FAM114A1: variants seen among roughly 807,000 people sequenced by gnomAD.
FAM114A1 encodes the protein protein NOXP20.
A neutral mutation model predicts 64.3 loss-of-function variants in FAM114A1; 62 were observed. The ratio of observed to expected loss-of-function variants is 0.96; its 90% confidence interval spans 0.79 to 1.19. The LOEUF (loss-of-function observed/expected upper bound fraction) is 1.19, where lower values mean the gene tolerates loss of function less well. Among genes scored for constraint, FAM114A1 ranks in the 50% most tolerant of loss-of-function variants. FAM114A1 has a pLI of 0.00. For synonymous variants in FAM114A1, 254 were observed against 251.1 expected (o/e 1.01, Z -0.11); for missense variants, 645 against 676.3 (o/e 0.95, Z 0.51).
intron 14 of FAM114A1, among the ~76,000 whole-genome samples, chr4:38,942,654 A>G (rs893851041): frequency 3.3e-5 from 5 of 152,228 alleles, no homozygotes; most frequent in African/African-American, 1.2e-4. Context: ...TAATAATTTC[A>G]GCTATCCCAA....
intron 9 of FAM114A1, 60 bp from the exon 10 acceptor site, chr4:38,929,182 C>A: frequency 7.5e-7 from 1 of 1,336,376 alleles, no homozygotes; most frequent in African/African-American, 1.4e-5. Context: ...GTTGGGGGAG[C>A]TGCCACATCC....
rs557253070 is a variant in FAM114A1, at chr4:38,895,120, G to A, written c.436+3290G>A. ...AACTTTAAAGTCTCTGGAGGATAGG[G>A]TGGTGCAGCTAGAAGGGGGCCCAGA... On this transcript the variant is annotated intron_variant, in intron 4 of 14. Coordinates refer to ENST00000358869, the MANE Select transcript of FAM114A1 (RefSeq NM_138389.4). Among the ~76,000 whole-genome samples, 5 of 152,314 alleles carry A rather than the reference G, an allele frequency of 3.3e-5. No individual in the cohort carries two copies. The East Asian group carries it at 9.6e-4, about 29-fold the overall frequency.
intron 4 of FAM114A1, among the ~76,000 whole-genome samples, chr4:38,896,557 A>G (rs573061367): frequency 4.3e-4 from 66 of 152,320 alleles, no homozygotes; most frequent in Admixed American, 3.3e-4. Context: ...TTGCCCACAC[A>G]TGGAGCCAGG....
At chr4:38,933,878 G>A (rs978766843) in intron 12 of FAM114A1, among the ~76,000 whole-genome samples, 1 of 152,116 alleles carries the variant, frequency 6.6e-6, no homozygotes, top group Non-Finnish European at 1.5e-5. Context: ...TGACATTGTC[G>A]GTTGGGGAGT....
chr4:38,901,988 C>G lies in FAM114A1; in HGVS notation c.437-3534C>G, dbSNP rs78626108. Among the ~76,000 whole-genome samples the G allele has an allele frequency of 9.3e-4, 142 of 152,228 alleles. 2 individuals carry two copies. Among genetic ancestry groups the G allele is most frequent in the African/African-American group, 3.4e-3 (141 of 41,528 alleles). ...ACAATGTTTTAAAAAGTAGGAAGCT[C>G]CAAACCAAGGATCTGATTTCCAAGG... On this transcript the variant is annotated intron_variant, in intron 4 of 14. Transcript: ENST00000358869.
At chr4:38,890,822 G>A (rs1298133011) in intron 3 of FAM114A1, among the ~76,000 whole-genome samples, 1 of 152,140 alleles carries the variant, frequency 6.6e-6, no homozygotes, top group Non-Finnish European at 1.5e-5. Flanking sequence ...GAGTATATCA[G>A]TGAATAAAAC....
chr4:38,880,106 AGTAGAATAGAATAGAATAGAATAG>A (rs1560288066), intron 3 of FAM114A1, among the ~76,000 whole-genome samples: 5 of 132,334 alleles, frequency 3.8e-5, no homozygotes, highest in Admixed American at 7.8e-5. Context: ...AATAAAATAG[AGTAGAATAGAATAGAATAGAATAG>A]AATAGAATAG....
chr4:38,884,630 G>A (rs1639611415), intron 3 of FAM114A1, among the ~76,000 whole-genome samples: 2 of 152,178 alleles, frequency 1.3e-5, no homozygotes, highest in South Asian at 4.1e-4. Flanking sequence ...AGATCACATT[G>A]TACCACACTG....
At chr4:38,918,799 A>C (rs1719313360) in intron 8 of FAM114A1, among the ~76,000 whole-genome samples, 1 of 152,144 alleles carries the variant, frequency 6.6e-6, no homozygotes, top group Non-Finnish European at 1.5e-5. Context: ...TCTCAAATAA[A>C]AATACAAAAA....
chr4:38,905,595 T>C lies in FAM114A1; in HGVS notation c.510T>C (p.Ser170=), dbSNP rs1178033544. ...TTCATGGTGTAAATTCTGGATCTTC[T>C]GAAGGAGCCCAACCAAATACTGAAA... The part of the protein sequence containing the change: ...LRIHGVNSGS[S]EGAQPNTENG... The change falls in exon 5 of 15, where the codon TCT becomes TCC. Residue 170 remains serine, a synonymous_variant. Transcript: ENST00000358869. The C allele has an allele frequency of 1.2e-6, 2 of 1,614,196 alleles. No homozygotes were observed. The highest frequency in any genetic ancestry group is 1.1e-5 in the South Asian group (1 of 91,086).
rs1448173466 is a variant in FAM114A1 at position 38,915,086 on chromosome 4, T to C, written c.945+13T>C. On this transcript the variant is annotated intron_variant, in intron 8 of 14. Coordinates refer to ENST00000358869, the MANE Select transcript of FAM114A1 (RefSeq NM_138389.4). The stretch of plus-strand genomic sequence containing the variant: ...AAGCGAAAGCAAGGTACTTCTGCAC[T>C]ACTCGTTTGAAATGGCATGCTTAGT... 1 of 1,611,830 alleles carries C rather than the reference T, an allele frequency of 6.2e-7. No homozygotes were observed. Among genetic ancestry groups the C allele is most frequent in the Non-Finnish European group, 8.5e-7 (1 of 1,178,422 alleles).
chr4:38,877,964 CAAAA>C, intron 2 of FAM114A1, 103 bp from the exon 3 acceptor site: 13 of 814,148 alleles, frequency 1.6e-5, no homozygotes, highest in Non-Finnish European at 2.0e-5. Context: ...AACTCCGTCT[CAAAA>C]AAAAAAAAAA....
chr4:38,931,456 G>C lies in FAM114A1; in HGVS notation c.1167G>C (p.Met389Ile). 6.2e-7 allele frequency: 1 copy of C among 1,610,096 alleles called. No individual in the cohort carries two copies. Among genetic ancestry groups the C allele is most frequent in the Non-Finnish European group, 8.5e-7 (1 of 1,178,994 alleles). The change falls in exon 11 of 15, where the codon ATG (methionine) becomes ATC (isoleucine). Residue 389 changes from methionine to isoleucine, a missense_variant. Met to Ile is a conservative substitution (Grantham distance 10). Coordinates refer to ENST00000358869, the MANE Select transcript of FAM114A1 (RefSeq NM_138389.4). Reference protein sequence around the residue: ...AATPDKLNKAMKRAHDWVEED... With the variant: ...AATPDKLNKAIKRAHDWVEED... The stretch of plus-strand genomic sequence containing the variant: ...TTGGTTGGGGACCTCTGCAGGCCAT[G>C]AAGAGGGCTCATGACTGGGTGGAAG...
chr4:38,886,627 T>C (rs777275723), intron 3 of FAM114A1, among the ~76,000 whole-genome samples: 15 of 151,942 alleles, frequency 9.9e-5, no homozygotes, highest in South Asian at 2.1e-4. Flanking sequence ...ATAGAAAGCA[T>C]GTATAGAAAT....
At position 38,935,771 on chromosome 4, in the gene FAM114A1, A is replaced by G. The variant is rs751853736; in HGVS notation, c.1517A>G (p.Asn506Ser). 8 of 1,611,284 alleles carry G rather than the reference A, an allele frequency of 5.0e-6. No individual in the cohort carries two copies. In the Admixed American group the frequency reaches 5.0e-5, roughly 10 times the overall value. Residue 506 changes from asparagine to serine, a missense_variant, in exon 13 of 15, where the codon AAT (asparagine) becomes AGT (serine). Physicochemically the swap from Asn to Ser is conservative, Grantham distance 46. Coordinates refer to ENST00000358869, the MANE Select transcript of FAM114A1 (RefSeq NM_138389.4). The part of the protein sequence containing the change: ...EVASLSKKFT[N>S]SLTTVGSNKK... ...GCCTCTTTATCAAAGAAGTTTACGA[A>G]TTCTTTAACCACTGTTGGGGTAAGA...
In FAM114A1 at chr4:38,915,004, G is replaced by C. The variant is rs1340054962; in HGVS notation, c.876G>C (p.Leu292=). 4 of 1,614,060 alleles carry C rather than the reference G, an allele frequency of 2.5e-6. No homozygotes were observed. Among genetic ancestry groups the C allele is most frequent in the African/African-American group, 2.7e-5 (2 of 74,918 alleles). Residue 292 remains leucine (L), a synonymous_variant, in exon 8 of 15, where the codon CTG becomes CTC. Coordinates refer to ENST00000358869, the MANE Select transcript of FAM114A1 (RefSeq NM_138389.4). The stretch of plus-strand genomic sequence containing the variant: ...AGAGAACCGCGCACTACGGGATGCT[G>C]TTTGATGAATATCAAGGCTTGTCAC... ...TMERTAHYGM[L]FDEYQGLSHL...
At chr4:38,906,648 C>T (rs1379615564) in intron 6 of FAM114A1, among the ~76,000 whole-genome samples, 1 of 152,182 alleles carries the variant, frequency 6.6e-6, no homozygotes, top group Non-Finnish European at 1.5e-5. Flanking sequence ...GATTCTCCCA[C>T]CTCAGCCTCC....
intron 2 of FAM114A1, among the ~76,000 whole-genome samples, chr4:38,870,920 A>G (rs1449247352): frequency 2.0e-5 from 3 of 152,166 alleles, no homozygotes; most frequent in Non-Finnish European, 4.4e-5. Flanking sequence ...GATAGCATCC[A>G]CAGTCGATAA....
Position 38,878,071 on chromosome 4 carries a change from A to G in FAM114A1, c.-8A>G, listed in dbSNP as rs899899745. On this transcript the variant is annotated splice_region_variant and 5_prime_UTR_variant, in exon 3 of 15. Coordinates refer to ENST00000358869, the MANE Select transcript of FAM114A1 (RefSeq NM_138389.4). ...GAGGTGTTTATAATTGTGTTGACAGATACTAAAATGTCTGATGATGCTGGT... is the reference window on the plus strand; with the variant it reads ...GAGGTGTTTATAATTGTGTTGACAGGTACTAAAATGTCTGATGATGCTGGT... 2 of 1,593,118 alleles carry G rather than the reference A, an allele frequency of 1.3e-6. No individual in the cohort carries two copies. Among genetic ancestry groups the G allele is most frequent in the African/African-American group, 1.3e-5 (1 of 74,578 alleles).
Sources: gnomAD v4.1 joint callset for allele counts (sites outside exome capture counted in the v4.1 genomes callset) on GRCh38, gnomAD v4.1.1 for gene constraint, MANE v1.5 for transcripts, NCBI Gene and HGNC (gene_info 2026-07-23, HGNC 2026-07-21) for gene names.